PTPRK: variants seen among roughly 807,000 people sequenced by gnomAD.
PTPRK encodes protein tyrosine phosphatase receptor type K.
In PTPRK, 75 loss-of-function variants were observed where a neutral mutation model predicts 178.0. The observed-to-expected ratio is 0.42, with a 90% CI of 0.35 to 0.51. The LOEUF (loss-of-function observed/expected upper bound fraction) is 0.51, where lower values mean the gene tolerates loss of function less well. PTPRK is among the 20% of genes least tolerant of loss of function. The pLI is 0.02. For synonymous variants in PTPRK, 637 were observed against 620.6 expected, an observed-to-expected ratio of 1.03 and a Z score of -0.39; for missense variants, 1,441 against 1,797.8, an observed-to-expected ratio of 0.80 and a Z score of 3.59.
intron 1 of PTPRK, among the ~76,000 whole-genome samples, chr6:128,435,516 C>T (rs988145890): frequency 1.3e-5 from 2 of 152,102 alleles, no homozygotes; most frequent in African/African-American, 2.4e-5. Context: ...GAATTTACTA[C>T]AGCACCGAGG....
chr6:128,376,217 G>C (rs1837051439), intron 2 of PTPRK, among the ~76,000 whole-genome samples: 1 of 152,152 alleles, frequency 6.6e-6, no homozygotes, highest in African/African-American at 2.4e-5. Flanking sequence ...CTCCATGAGG[G>C]CCCCACCCCT....
chr6:128,207,453 A>G (rs144188126), intron 6 of PTPRK, among the ~76,000 whole-genome samples: 277 of 152,328 alleles, frequency 1.8e-3, no homozygotes, highest in African/African-American at 6.5e-3. Context: ...AGTTTTAGGA[A>G]AATGCACTCA....
chr6:128,252,259 T>A (rs1453957325), intron 3 of PTPRK, among the ~76,000 whole-genome samples: 1 of 152,202 alleles, frequency 6.6e-6, no homozygotes, highest in Admixed American at 6.5e-5. Context: ...ACTAAAAGTA[T>A]CTAGAAAATC....
intron 7 of PTPRK, among the ~76,000 whole-genome samples, chr6:128,150,059 C>A (rs781686485): frequency 1.3e-5 from 2 of 152,096 alleles, no homozygotes; most frequent in Non-Finnish European, 2.9e-5. Context: ...GAGCTGGAGG[C>A]ACAATGTAGT....
chr6:128,308,502 A>T (rs1371703045), intron 3 of PTPRK, among the ~76,000 whole-genome samples: 1 of 152,014 alleles, frequency 6.6e-6, no homozygotes, highest in Admixed American at 6.6e-5. Flanking sequence ...AAAAGAAAAA[A>T]CGATCAAAAA....
intron 3 of PTPRK, among the ~76,000 whole-genome samples, chr6:128,262,906 T>TA (rs1158435564): frequency 2.2e-5 from 3 of 139,406 alleles, no homozygotes; most frequent in Admixed American, 1.5e-4. Flanking sequence ...AGATAATTCA[T>TA]AAAAAACTGG....
chr6:128,458,388 G>T (rs368485192), intron 1 of PTPRK, among the ~76,000 whole-genome samples: 1 of 152,122 alleles, frequency 6.6e-6, no homozygotes, highest in South Asian at 2.1e-4. Context: ...TCTCCTTACA[G>T]ATATGAGTAT....
chr6:128,457,936 C>T lies in PTPRK; in HGVS notation c.101-60248G>A, dbSNP rs1016218. 4.2e-3 allele frequency among the ~76,000 whole-genome samples: 643 copies of T among 152,196 alleles called. 6 individuals are homozygous for T. Among genetic ancestry groups the T allele is most frequent in the African/African-American group, 0.014 (593 of 41,534 alleles). On this transcript the variant is annotated intron_variant, in intron 1 of 29. Transcript: ENST00000368226. Reference sequence around the variant, plus strand: ...GTTCTTCCCCATTGCGGGCTAATTACGCCATCTGTTTAACCACAGTACTAT... The same window carrying T: ...GTTCTTCCCCATTGCGGGCTAATTATGCCATCTGTTTAACCACAGTACTAT...
intron 1 of PTPRK, among the ~76,000 whole-genome samples, chr6:128,408,099 C>T (rs2128376823): frequency 6.6e-6 from 1 of 152,212 alleles, no homozygotes; most frequent in Admixed American, 6.5e-5. Context: ...AAAAATAAAA[C>T]TATCCTGGCT....
At chr6:128,134,135 T>C (rs1010893691) in intron 7 of PTPRK, among the ~76,000 whole-genome samples, 1 of 152,184 alleles carries the variant, frequency 6.6e-6, no homozygotes, top group Non-Finnish European at 1.5e-5. Context: ...GAAGGATATA[T>C]TTCCATTTCC....
intron 6 of PTPRK, among the ~76,000 whole-genome samples, chr6:128,210,622 G>C (rs1807964389): frequency 6.6e-6 from 1 of 152,062 alleles, no homozygotes; most frequent in Non-Finnish European, 1.5e-5. Flanking sequence ...GGAAGGAGGT[G>C]AGTGATAAAG....
At chr6:128,295,507 G>A (rs1025942042) in intron 3 of PTPRK, among the ~76,000 whole-genome samples, 3 of 152,012 alleles carry the variant, frequency 2.0e-5, no homozygotes, top group African/African-American at 7.2e-5. Flanking sequence ...ACTAACACCT[G>A]GTCAAAGAAA....
chr6:128,180,913 G>A (rs370052027), intron 7 of PTPRK, among the ~76,000 whole-genome samples: 7 of 152,140 alleles, frequency 4.6e-5, no homozygotes, highest in Non-Finnish European at 1.0e-4. Flanking sequence ...AGAGGAATAA[G>A]TATTAAGGCC....
Position 128,082,701 on chromosome 6 carries a change from CTG to C in PTPRK, c.1576-65_1576-64del. ...CATCATAAGAAACTGTAAATAAACTCTGTATAAATAAGGTAGTATGCAAGGGC... is the reference window on the plus strand; with the variant it reads ...CATCATAAGAAACTGTAAATAAACTCTATAAATAAGGTAGTATGCAAGGGC... On this transcript the variant is annotated intron_variant, in intron 9 of 29. Coordinates refer to ENST00000368226, the MANE Select transcript of PTPRK (RefSeq NM_002844.4). 3.9e-6 allele frequency: 5 copies of C among 1,297,728 alleles called. No homozygotes were observed. In the South Asian group the frequency reaches 7.6e-5, roughly 20 times the overall value. The allele number at this position is 1,297,728 out of a possible 1,614,324, so 80.4% of individuals were successfully genotyped here. A position where few individuals can be genotyped will look rare whatever the true frequency, so the allele number is the denominator to read the frequency against.
intron 13 of PTPRK, among the ~76,000 whole-genome samples, chr6:128,038,199 T>A (rs10046118): frequency 0.24 from 35,979 of 151,918 alleles, 5,880 homozygotes; most frequent in African/African-American, 0.47. Flanking sequence ...TGCAGCAATT[T>A]TTTTTTCTAG....
chr6:128,028,467 A>G (rs1234241428), intron 13 of PTPRK, among the ~76,000 whole-genome samples: 1 of 152,204 alleles, frequency 6.6e-6, no homozygotes, highest in Non-Finnish European at 1.5e-5. Flanking sequence ...CATACATTTT[A>G]GCCTAATTTC....
At chr6:128,138,860 G>A (rs1170370788) in intron 7 of PTPRK, among the ~76,000 whole-genome samples, 1 of 151,938 alleles carries the variant, frequency 6.6e-6, no homozygotes, top group Non-Finnish European at 1.5e-5. Context: ...ATAATCACTT[G>A]AGTGCTCTCT....
At chr6:128,168,937 T>C (rs947554250) in intron 7 of PTPRK, among the ~76,000 whole-genome samples, 2 of 152,070 alleles carry the variant, frequency 1.3e-5, no homozygotes, top group Non-Finnish European at 2.9e-5. Flanking sequence ...ACATCGTGGG[T>C]AAACCTGGAG....
intron 7 of PTPRK, among the ~76,000 whole-genome samples, chr6:128,114,174 G>T (rs1791117245): frequency 1.3e-5 from 2 of 151,926 alleles, no homozygotes; most frequent in Admixed American, 1.3e-4. Context: ...AGTTTATGAA[G>T]AAAAAAGGTT....
Sources: allele counts gnomAD v4.1 joint callset (sites outside exome capture counted in the v4.1 genomes callset), GRCh38; gene constraint gnomAD v4.1.1; transcripts MANE v1.5; gene names NCBI Gene and HGNC (gene_info 2026-07-23, HGNC 2026-07-21).